Variants in HSDL2 observed in about 807,000 individuals in gnomAD.
HSDL2 encodes hydroxysteroid dehydrogenase-like protein 2.
A neutral mutation model predicts 46.3 loss-of-function variants in HSDL2; 27 were observed. The ratio of observed to expected loss-of-function variants is 0.58; its 90% CI spans 0.43 to 0.80. HSDL2 has a LOEUF of 0.80. Among genes scored for constraint, HSDL2 ranks in the 30% least tolerant of loss-of-function variants. The pLI is 0.00. For synonymous variants in HSDL2, 153 were observed against 163.6 expected, an observed-to-expected ratio of 0.94 and a Z score of 0.50; for missense variants, 451 against 502.7, an observed-to-expected ratio of 0.90 and a Z score of 0.98.
At chr9:112,381,362 C>T (rs1446750089) in intron 1 of HSDL2, among the ~76,000 whole-genome samples, 2 of 152,006 alleles carry the variant, frequency 1.3e-5, no homozygotes, top group Non-Finnish European at 2.9e-5. Context: ...GATCTTCCGC[C>T]TCCTTTTTTT....
chr9:112,426,432 C>G (rs1038928582), intron 6 of HSDL2, among the ~76,000 whole-genome samples: 5 of 152,072 alleles, frequency 3.3e-5, no homozygotes, highest in African/African-American at 1.2e-4. Context: ...GACAGGGTTT[C>G]GCCATTTTGG....
chr9:112,412,385 T>C (rs1764619234), intron 4 of HSDL2, among the ~76,000 whole-genome samples: 1 of 152,208 alleles, frequency 6.6e-6, no homozygotes, highest in Admixed American at 6.5e-5. Context: ...ATCATAACTA[T>C]AGACAGTGCT....
At chr9:112,383,640 T>C (rs1831151878) in intron 1 of HSDL2, among the ~76,000 whole-genome samples, 1 of 152,202 alleles carries the variant, frequency 6.6e-6, no homozygotes, top group African/African-American at 2.4e-5. Context: ...CATATAGCGC[T>C]CTGTTTCTGG....
At chr9:112,455,484 C>T (rs1469299843) in intron 9 of HSDL2, among the ~76,000 whole-genome samples, 1 of 152,108 alleles carries the variant, frequency 6.6e-6, no homozygotes, top group Non-Finnish European at 1.5e-5. Context: ...TGTCAAAAGC[C>T]TAGTCCTGGC....
intron 3 of HSDL2, among the ~76,000 whole-genome samples, chr9:112,406,615 C>T (rs1414000135): frequency 5.3e-5 from 8 of 151,970 alleles, no homozygotes; most frequent in Admixed American, 1.3e-4. Context: ...GGATTACAGG[C>T]GCCTGCCACC....
intron 1 of HSDL2, 49 bp downstream of exon 1, chr9:112,380,229 G>A (rs1196632599): frequency 2.0e-6 from 3 of 1,518,604 alleles, no homozygotes; most frequent in Non-Finnish European, 1.8e-6. Context: ...GGCGAAGGGC[G>A]CGTCTCGGTG....
intron 6 of HSDL2, among the ~76,000 whole-genome samples, chr9:112,436,121 A>AC (rs1183620867): frequency 1.3e-5 from 2 of 151,534 alleles, no homozygotes; most frequent in East Asian, 1.9e-4. Context: ...CCAAAAAAAA[A>AC]AGCTGGATAT....
At chr9:112,447,242 A>G (rs1832776305) in intron 8 of HSDL2, among the ~76,000 whole-genome samples, 1 of 152,092 alleles carries the variant, frequency 6.6e-6, no homozygotes, top group Non-Finnish European at 1.5e-5. Flanking sequence ...TCTGGCTTAC[A>G]TATTTGTAGT....
intron 10 of HSDL2, among the ~76,000 whole-genome samples, chr9:112,462,679 T>C (rs1833248987): frequency 6.6e-6 from 1 of 151,816 alleles, no homozygotes; most frequent in South Asian, 2.1e-4. Context: ...AAAAAACTTT[T>C]GTTAAAACAG....
chr9:112,443,683 T>C (rs940563326), intron 8 of HSDL2, among the ~76,000 whole-genome samples: 3 of 152,178 alleles, frequency 2.0e-5, no homozygotes, highest in African/African-American at 7.2e-5. Flanking sequence ...TGAGCTATGA[T>C]TGAGCTACAG....
At chr9:112,455,029 T>G (rs1832983034) in intron 9 of HSDL2, among the ~76,000 whole-genome samples, 1 of 152,138 alleles carries the variant, frequency 6.6e-6, no homozygotes, top group African/African-American at 2.4e-5. Context: ...TAAAAATCTC[T>G]TAATATTGTT....
intron 1 of HSDL2, 119 bp from the exon 2 acceptor site, chr9:112,403,876 T>G: frequency 2.0e-6 from 2 of 1,020,742 alleles, no homozygotes; most frequent in East Asian, 2.5e-5. Context: ...ATGGGGAGGG[T>G]TTAGAGAAAA....
At chr9:112,458,366 C>T (rs1833097661) in intron 9 of HSDL2, among the ~76,000 whole-genome samples, 1 of 149,910 alleles carries the variant, frequency 6.7e-6, no homozygotes, top group Non-Finnish European at 1.5e-5. Context: ...CTCTTGTTGC[C>T]CCAAGCTGGA....
In HSDL2 at chr9:112,405,723, G is replaced by A. The variant is rs1360721311; in HGVS notation, c.280+1G>A. On this transcript the variant is annotated splice_donor_variant, in intron 3 of 10. Coordinates refer to ENST00000398805, the MANE Select transcript of HSDL2 (RefSeq NM_032303.5). LOFTEE classifies it high-confidence loss of function. ...GAGAAAGCCATCAAGAAATTTGGAGGTAATACCTTCATTCTGAAAAAATTA... is the reference window on the plus strand; with the variant it reads ...GAGAAAGCCATCAAGAAATTTGGAGATAATACCTTCATTCTGAAAAAATTA... The A allele has an allele frequency of 1.3e-6, 2 of 1,568,376 alleles. No individual in the cohort carries two copies. Among genetic ancestry groups the A allele is most frequent in the Non-Finnish European group, 1.7e-6 (2 of 1,143,240 alleles).
At position 112,380,184 on chromosome 9, in the gene HSDL2, A is replaced by G; in HGVS notation, c.17+4A>G. On this transcript the variant is annotated splice_donor_region_variant and intron_variant, in intron 1 of 10. Coordinates refer to ENST00000398805, the MANE Select transcript of HSDL2 (RefSeq NM_032303.5). ...AAGTCATGTTACCCAACACCGGGTA[A>G]GGGGGTAGGGGCGGCGCGGGGAGAG... The G allele has an allele frequency of 6.4e-7, 1 of 1,566,434 alleles. No individual in the cohort carries two copies. Among genetic ancestry groups the G allele is most frequent in the South Asian group, 1.2e-5 (1 of 86,360 alleles).
intron 3 of HSDL2, among the ~76,000 whole-genome samples, chr9:112,408,656 CTACTG>C (rs1418822162): frequency 6.6e-6 from 1 of 152,148 alleles, no homozygotes; most frequent in Non-Finnish European, 1.5e-5. Context: ...ACTGTACTGA[CTACTG>C]TAGGCGTTTG....
intron 9 of HSDL2, among the ~76,000 whole-genome samples, chr9:112,456,043 A>C (rs1249866049): frequency 6.6e-6 from 1 of 152,220 alleles, no homozygotes; most frequent in Non-Finnish European, 1.5e-5. Flanking sequence ...ATTGCAGTCC[A>C]TGGATCATAC....
intron 6 of HSDL2, among the ~76,000 whole-genome samples, chr9:112,428,984 T>C (rs1479909299): frequency 1.3e-5 from 2 of 152,186 alleles, no homozygotes; most frequent in Non-Finnish European, 2.9e-5. Flanking sequence ...CTGCAACCTC[T>C]GCCTCCCAGG....
At chr9:112,411,931 T>C (rs543759421) in intron 4 of HSDL2, among the ~76,000 whole-genome samples, 1 of 152,330 alleles carries the variant, frequency 6.6e-6, no homozygotes, top group Non-Finnish European at 1.5e-5. Flanking sequence ...CTCAACATGT[T>C]GAACTAAGGC....
Sources: gnomAD v4.1 joint callset for allele counts (sites outside exome capture counted in the v4.1 genomes callset) on GRCh38, gnomAD v4.1.1 for gene constraint, MANE v1.5 for transcripts, NCBI Gene and HGNC (gene_info 2026-07-23, HGNC 2026-07-21) for gene names.